Variants in USP43 observed in about 807,000 individuals in gnomAD.
USP43 encodes the protein ubiquitin carboxyl-terminal hydrolase 43.
USP43 carries 33 observed loss-of-function variants against 90.7 expected under a neutral mutation model. The ratio of observed to expected loss-of-function variants is 0.36; its 90% CI spans 0.28 to 0.49. USP43 has a LOEUF of 0.49. Ranked by LOEUF, USP43 falls within the 20% of genes least tolerant of loss-of-function variation. The probability of loss-of-function intolerance (pLI) is 0.98; values close to 1 mark genes in which losing one functional copy is unlikely to be tolerated. For missense variants in USP43, 1,274 were observed against 1,476.4 expected, an observed-to-expected ratio of 0.86 and a Z score of 2.25; for synonymous variants, 598 against 615.8, an observed-to-expected ratio of 0.97 and a Z score of 0.43.
At chr17:9,665,900 A>T (rs957227003) in intron 2 of USP43, among the ~76,000 whole-genome samples, 2 of 152,196 alleles carry the variant, frequency 1.3e-5, no homozygotes, top group Non-Finnish European at 2.9e-5. Flanking sequence ...GAGTTGAAAG[A>T]GTCAAGGAAC....
At chr17:9,718,843 A>AAAAAAG (rs1279634143) in intron 14 of USP43, among the ~76,000 whole-genome samples, 1 of 152,198 alleles carries the variant, frequency 6.6e-6, no homozygotes, top group South Asian at 2.1e-4. Context: ...TCCGTCTCAA[A>AAAAAAG]AAAAAGAAAA....
intron 6 of USP43, among the ~76,000 whole-genome samples, chr17:9,681,157 T>TACTATATAATATATACTATATAATATAC (rs1567660662): frequency 6.7e-5 from 7 of 104,328 alleles, no homozygotes; most frequent in African/African-American, 2.8e-4. Flanking sequence ...ATATAATATA[T>TACTATATAATATATACTATATAATATAC]ACTATATAAT....
intron 12 of USP43, among the ~76,000 whole-genome samples, chr17:9,703,836 C>T (rs1023330190): frequency 6.6e-6 from 1 of 152,178 alleles, no homozygotes. Context: ...ATGAGTGATT[C>T]CTGATATGAA....
intron 6 of USP43, 110 bp from the exon 7 acceptor site, chr17:9,682,713 T>G: frequency 7.2e-7 from 1 of 1,393,558 alleles, no homozygotes; most frequent in Non-Finnish European, 9.6e-7. Context: ...GGCCCCCCAT[T>G]GGTGGTTAAT....
intron 6 of USP43, among the ~76,000 whole-genome samples, chr17:9,681,476 A>ATATATATATATT (rs1277888707): frequency 1.9e-4 from 4 of 20,730 alleles, no homozygotes; most frequent in Non-Finnish European, 7.0e-5. Flanking sequence ...ATATATATAT[A>ATATATATATATT]TATATATATA....
In USP43 at chr17:9,655,616, G is replaced by C. The variant is rs73975780; in HGVS notation, c.505-787G>C. Among the ~76,000 whole-genome samples the C allele has an allele frequency of 2.4e-3, 360 of 152,288 alleles. 2 individuals are homozygous for C. The highest frequency in any genetic ancestry group is 0.01 in the Middle Eastern group (3 of 294). On this transcript the variant is annotated intron_variant, in intron 1 of 14. Transcript: ENST00000285199. ...GGGATACCAGGAATGCAAACACCAC[G>C]AGGGCAGTGAGATGAAGAACCTGTT...
chr17:9,721,146 T>TA (rs151278734), intron 14 of USP43, among the ~76,000 whole-genome samples: 5,994 of 151,270 alleles, frequency 0.04, 226 homozygotes, highest in East Asian at 0.21. Flanking sequence ...CATGACCATG[T>TA]AAAAAAAAAT....
At chr17:9,645,289 A>T, upstream of USP43, 1 of 179,498 alleles carries the variant, frequency 5.6e-6, no homozygotes. This position sits in a 1 kb window ranked among gnomAD's most constrained non-coding sequence, Gnocchi z 6.8. Context: ...CACTGCTTGA[A>T]GGCTGCTCGA....
At chr17:9,725,510 T>C (rs1352474974) in intron 14 of USP43, among the ~76,000 whole-genome samples, 4 of 152,206 alleles carry the variant, frequency 2.6e-5, no homozygotes, top group African/African-American at 9.6e-5. Context: ...GGGCCTCTTA[T>C]TCCCTTCTGT....
chr17:9,681,838 C>T (rs187696330), intron 6 of USP43, among the ~76,000 whole-genome samples: 2 of 152,004 alleles, frequency 1.3e-5, no homozygotes, highest in Non-Finnish European at 2.9e-5. Context: ...TTACTTTATA[C>T]CCCAGATGAT....
chr17:9,720,169 C>T (rs757512085), intron 14 of USP43, among the ~76,000 whole-genome samples: 1 of 151,234 alleles, frequency 6.6e-6, no homozygotes, highest in Non-Finnish European at 1.5e-5. Flanking sequence ...CTACTAAAAA[C>T]GCAAAAATTA....
At chr17:9,685,459 C>T (rs1356608971) in intron 7 of USP43, among the ~76,000 whole-genome samples, 1 of 152,178 alleles carries the variant, frequency 6.6e-6, no homozygotes, top group Non-Finnish European at 1.5e-5. Context: ...ATGTCTCTGC[C>T]TTGCCTTCCC....
At chr17:9,689,430 G>A (rs942269384) in intron 8 of USP43, among the ~76,000 whole-genome samples, 11 of 150,134 alleles carry the variant, frequency 7.3e-5, no homozygotes, top group Admixed American at 6.6e-4. Flanking sequence ...TTTTTTTAAA[G>A]AGATAGAGTC....
Position 9,728,198 on chromosome 17 carries a change from T to A in USP43, c.2580T>A (p.Asp860Glu). ...TGTTGACGGGCACTGCGGGTGAGGA[T>A]GAGAAGTCAGCATCGCCGAGGTCCA... Reference protein sequence around the residue: ...VSLLTGTAGEDEKSASPRSNV... With the variant: ...VSLLTGTAGEEEKSASPRSNV... The change falls in exon 15 of 15, where the codon GAT becomes GAA. Residue 860 changes from aspartate (D) to glutamate (E), a missense_variant. Asp to Glu is a conservative substitution (Grantham distance 45). Transcript: ENST00000285199. This position sits in a 1 kb window ranked among gnomAD's most constrained non-coding sequence, Gnocchi z 6.2. 6.2e-7 allele frequency: 1 copy of A among 1,613,882 alleles called. No individual in the cohort carries two copies. The highest frequency in any genetic ancestry group is 1.3e-5 in the African/African-American group (1 of 75,030).
At chr17:9,707,033 T>C (rs1915924593) in intron 12 of USP43, among the ~76,000 whole-genome samples, 1 of 152,204 alleles carries the variant, frequency 6.6e-6, no homozygotes, top group Admixed American at 6.5e-5. Context: ...CCATATACTT[T>C]TACATAAATG....
chr17:9,676,720 G>C, intron 4 of USP43, 26 bp from the exon 5 acceptor site: 1 of 1,607,324 alleles, frequency 6.2e-7, no homozygotes, highest in Non-Finnish European at 8.5e-7. Context: ...AGTCCTTTAA[G>C]GGTGTTGCCC....
At chr17:9,665,380 C>T (rs1912969012) in intron 2 of USP43, among the ~76,000 whole-genome samples, 1 of 152,094 alleles carries the variant, frequency 6.6e-6, no homozygotes, top group Non-Finnish European at 1.5e-5. Flanking sequence ...CTGGGGAGGC[C>T]TCAGGAAACT....
intron 14 of USP43, among the ~76,000 whole-genome samples, chr17:9,715,833 G>A (rs1024604155): frequency 5.9e-5 from 9 of 151,306 alleles, no homozygotes; most frequent in African/African-American, 9.7e-5. Context: ...GTGTCTATGT[G>A]TATGTATCTG....
Position 9,693,160 on chromosome 17 carries a change from G to A in USP43, c.1387G>A (p.Gly463Arg). The A allele has an allele frequency of 6.2e-7, 1 of 1,613,648 alleles. No individual in the cohort carries two copies. Among genetic ancestry groups the A allele is most frequent in the Non-Finnish European group, 8.5e-7 (1 of 1,179,824 alleles). The stretch of plus-strand genomic sequence containing the variant: ...GTCTCTGTTCTCCATCCGTGTTGTG[G>A]GACTCTCTGTGGCCTGCAGCTATTT... ...LGSLFSIRVV[G>R]LSVACSYLSP... Residue 463 changes from glycine to arginine, a missense_variant, in exon 9 of 15, where the codon GGA (glycine) becomes AGA (arginine). Gly to Arg is a moderately radical substitution (Grantham distance 125). This residue lies in a region of USP43 where 253 missense variants were observed against 276.0 expected (regional missense o/e 0.92). Transcript: ENST00000285199.
Sources: gnomAD v4.1 joint callset for allele counts (sites outside exome capture counted in the v4.1 genomes callset) on GRCh38, gnomAD v4.1.1 for gene constraint, gnomAD v4.1.1 regional missense constraint, Gnocchi (gnomAD v3.1) non-coding constraint, MANE v1.5 for transcripts, NCBI Gene and HGNC (gene_info 2026-07-23, HGNC 2026-07-21) for gene names.